The following UTS2B variants were observed in gnomAD, a reference collection of about 807,000 sequenced individuals.
UTS2B encodes urotensin-2B.
UTS2B carries 21 observed loss-of-function variants against 19.2 expected under a neutral mutation model. That is an observed-to-expected ratio of 1.09 (90% CI 0.78 to 1.58). The LOEUF (loss-of-function observed/expected upper bound fraction) is 1.58. Ranked by LOEUF, UTS2B falls within the 40% of genes most tolerant of loss-of-function variation. The probability of loss-of-function intolerance (pLI) is 0.00; values close to 1 mark genes in which losing one functional copy is unlikely to be tolerated. For missense variants in UTS2B, 138 were observed against 130.3 expected (o/e 1.06, Z -0.29); for synonymous variants, 57 against 50.2 (o/e 1.14, Z -0.58).
chr3:191,313,167 G>GA (rs1388188950), intron 3 of UTS2B, among the ~76,000 whole-genome samples: 1 of 151,870 alleles, frequency 6.6e-6, no homozygotes, highest in East Asian at 1.9e-4. Context: ...GCTAATTTTT[G>GA]TTTTTTTAGT....
intron 7 of UTS2B, among the ~76,000 whole-genome samples, chr3:191,275,823 AAAAC>A (rs1202634941): frequency 6.6e-6 from 1 of 152,192 alleles, no homozygotes; most frequent in East Asian, 1.9e-4. Flanking sequence ...AAGGAAGAAA[AAAAC>A]AAAAAAGAGA....
chr3:191,336,290 G>A, the UTS2B span, among the ~76,000 whole-genome samples: 1 of 152,090 alleles, frequency 6.6e-6, no homozygotes, highest in Non-Finnish European at 1.5e-5. Flanking sequence ...ATGTATGTGA[G>A]CTCCAGTTGT....
intron 7 of UTS2B, among the ~76,000 whole-genome samples, 167 bp from the exon 8 acceptor site, chr3:191,275,512 C>G (rs1282733528): frequency 1.3e-5 from 2 of 152,086 alleles, no homozygotes; most frequent in African/African-American, 2.4e-5. Context: ...AACTCCGCCT[C>G]TACTAAAACT....
intron 2 of UTS2B, among the ~76,000 whole-genome samples, chr3:191,326,860 G>A (rs1244041437): frequency 1.3e-5 from 2 of 152,230 alleles, no homozygotes; most frequent in Non-Finnish European, 2.9e-5. Flanking sequence ...CAGGTGTGGA[G>A]TAGGAGAAGG....
intron 2 of UTS2B, among the ~76,000 whole-genome samples, chr3:191,317,703 C>A (rs1358246498): frequency 6.6e-6 from 1 of 152,092 alleles, no homozygotes; most frequent in African/African-American, 2.4e-5. Context: ...CTCAGCCTCC[C>A]GAGAAGCTGG....
the UTS2B span, among the ~76,000 whole-genome samples, chr3:191,339,866 G>T: frequency 1.4e-4 from 21 of 152,174 alleles, no homozygotes; most frequent in Non-Finnish European, 2.5e-4. Flanking sequence ...AGGTTAAAAT[G>T]TACTTGTGGT....
At chr3:191,314,623 G>A (rs1432972228) in intron 3 of UTS2B, among the ~76,000 whole-genome samples, 4 of 152,254 alleles carry the variant, frequency 2.6e-5, no homozygotes, top group African/African-American at 9.6e-5. Flanking sequence ...AGGAGTGTAA[G>A]CGCAAGTGCA....
At chr3:191,300,105 C>T (rs1237885729) in intron 4 of UTS2B, among the ~76,000 whole-genome samples, 3 of 151,852 alleles carry the variant, frequency 2.0e-5, no homozygotes, top group Admixed American at 6.6e-5. Context: ...GGCTGGAGTG[C>T]GGTGGTGCAA....
Position 191,278,075 on chromosome 3 carries a change from T to C in UTS2B, c.199A>G (p.Thr67Ala). ...KNFDFQRPFN[T>A]DLALPNKLEE... ...CTTGACTTTATGTTTAACTCACCAG[T>C]GTTGAAAGGTCTTTGGAAATCAAAA... The change falls in exon 6 of 9, where the codon ACT becomes GCT. Residue 67 changes from threonine to alanine, a missense_variant. Transcript: ENST00000340524. 1.3e-6 allele frequency: 2 copies of C among 1,510,198 alleles called. No individual in the cohort carries two copies. The highest frequency in any genetic ancestry group is 2.2e-5 in the Admixed American group (1 of 45,380). 93.5% of individuals were successfully genotyped at this position (1,510,198 alleles called of 1,614,324 possible).
the UTS2B span, among the ~76,000 whole-genome samples, chr3:191,337,357 T>C: frequency 6.6e-6 from 1 of 152,156 alleles, no homozygotes; most frequent in Non-Finnish European, 1.5e-5. Context: ...ATTTTTGAAG[T>C]GACTTTAAAA....
the UTS2B span, among the ~76,000 whole-genome samples, chr3:191,335,680 G>A: frequency 4.6e-3 from 705 of 151,830 alleles, 5 homozygotes; most frequent in Middle Eastern, 0.034. Flanking sequence ...TTGAGAAAAA[G>A]GAAAAAAAAC....
intron 4 of UTS2B, among the ~76,000 whole-genome samples, chr3:191,284,010 A>T (rs1160252580): frequency 6.6e-6 from 1 of 152,196 alleles, no homozygotes; most frequent in Non-Finnish European, 1.5e-5. Context: ...ATGATGAAAG[A>T]TTGTATAATT....
intron 1 of UTS2B, chr3:191,329,676 T>A (rs1476838592): frequency 6.2e-7 from 1 of 1,609,506 alleles, no homozygotes; most frequent in Admixed American, 1.7e-5. Context: ...TGGCCCGGTA[T>A]GGCTGAAGTC....
At chr3:191,293,164 T>C (rs574410435) in intron 4 of UTS2B, among the ~76,000 whole-genome samples, 8 of 152,112 alleles carry the variant, frequency 5.3e-5, no homozygotes, top group African/African-American at 1.7e-4. Flanking sequence ...ACTAGTATTT[T>C]ATTAGCAACT....
At chr3:191,279,128 C>A (rs1015526503) in intron 5 of UTS2B, among the ~76,000 whole-genome samples, 1 of 152,024 alleles carries the variant, frequency 6.6e-6, no homozygotes, top group Non-Finnish European at 1.5e-5. Context: ...AATTCAAACA[C>A]TTAAATGGCT....
chr3:191,304,713 GT>G (rs1717091072), intron 3 of UTS2B, among the ~76,000 whole-genome samples, 165 bp from the exon 4 acceptor site: 1 of 152,114 alleles, frequency 6.6e-6, no homozygotes, highest in Non-Finnish European at 1.5e-5. Context: ...GGATGTGCAG[GT>G]TTGTTACATA....
chr3:191,302,407 C>A (rs1390804981), intron 4 of UTS2B, among the ~76,000 whole-genome samples: 1 of 152,200 alleles, frequency 6.6e-6, no homozygotes, highest in Non-Finnish European at 1.5e-5. Context: ...AACCAGCAGC[C>A]CTCAGGGCTG....
intron 4 of UTS2B, among the ~76,000 whole-genome samples, chr3:191,304,066 C>T (rs943199207): frequency 1.3e-4 from 20 of 152,122 alleles, no homozygotes; most frequent in African/African-American, 4.6e-4. Flanking sequence ...GCCTCCTGGG[C>T]TCAAGAGATT....
intron 4 of UTS2B, among the ~76,000 whole-genome samples, chr3:191,289,963 G>A: frequency 6.6e-6 from 1 of 152,142 alleles, no homozygotes; most frequent in Non-Finnish European, 1.5e-5. Flanking sequence ...ACACAAAAAT[G>A]TTGTATGTGA....
Sources: gnomAD v4.1 joint callset for allele counts (sites outside exome capture counted in the v4.1 genomes callset) on GRCh38, gnomAD v4.1.1 for gene constraint, MANE v1.5 for transcripts, NCBI Gene and HGNC (gene_info 2026-07-23, HGNC 2026-07-21) for gene names.